The following SPAG16 variants were observed in gnomAD, a reference collection of about 807,000 sequenced individuals.
The protein encoded by SPAG16 is sperm-associated antigen 16 protein.
A neutral mutation model predicts 80.4 loss-of-function variants in SPAG16; 86 were observed. The ratio of observed to expected loss-of-function variants is 1.07; its 90% CI spans 0.90 to 1.28. SPAG16 has a LOEUF of 1.28. Among genes scored for constraint, SPAG16 ranks in the 50% most tolerant of loss-of-function variants. The pLI, the probability that SPAG16 is intolerant of heterozygous loss-of-function variation, is 0.00. For synonymous variants in SPAG16, 294 were observed against 265.9 expected (o/e 1.11, Z -1.03); for missense variants, 870 against 765.3 (o/e 1.14, Z -1.61).
chr2:213,488,296 C>T (rs1356419633), intron 9 of SPAG16, among the ~76,000 whole-genome samples: 1 of 152,122 alleles, frequency 6.6e-6, no homozygotes, highest in Non-Finnish European at 1.5e-5. Flanking sequence ...GTAAATTGCA[C>T]ACAGTACTAC....
At chr2:213,714,588 C>T (rs1270171246) in intron 10 of SPAG16, among the ~76,000 whole-genome samples, 4 of 152,032 alleles carry the variant, frequency 2.6e-5, no homozygotes, top group Non-Finnish European at 5.9e-5. Context: ...TTAAAGTCAG[C>T]CAAATTTTTC....
intron 10 of SPAG16, among the ~76,000 whole-genome samples, chr2:213,766,842 C>G (rs1454801709): frequency 2.0e-5 from 3 of 152,194 alleles, no homozygotes; most frequent in African/African-American, 7.2e-5. Context: ...CTAGAGAGGA[C>G]TGAATTCTGG....
At chr2:213,329,619 T>C (rs7597729) in intron 5 of SPAG16, among the ~76,000 whole-genome samples, 1 of 152,194 alleles carries the variant, frequency 6.6e-6, no homozygotes, top group African/African-American at 2.4e-5. Flanking sequence ...CATAAAAGTT[T>C]GGAAAATTTG....
chr2:214,149,003 C>G (rs565472987), intron 14 of SPAG16, 137 bp from the exon 15 acceptor site: 10 of 245,478 alleles, frequency 4.1e-5, no homozygotes, highest in African/African-American at 2.1e-4. Context: ...TAACACTTAC[C>G]TTTTGTCTAT....
rs867433325 is a variant in SPAG16 at position 214,031,573 on chromosome 2, T to C, written c.1527+17496T>C. Among the ~76,000 whole-genome samples the C allele has an allele frequency of 9.1e-3, 1,244 of 136,696 alleles. 15 individuals are homozygous for C. Among genetic ancestry groups the C allele is most frequent in the African/African-American group, 0.033 (1,177 of 35,484 alleles). The allele number at this position is 136,696 out of a possible 152,430, so 89.7% of individuals were successfully genotyped here. A position where few individuals can be genotyped will look rare whatever the true frequency, so the allele number is the denominator to read the frequency against. On this transcript the variant is annotated intron_variant, in intron 13 of 15. Transcript: ENST00000331683. ...AACTAACCTGCACATTGTGCACATG[T>C]ACCCTAAAACTTAAAGTATAATAAT... is the stretch of plus-strand genomic sequence containing the variant.
chr2:213,318,288 G>T (rs2063483397), intron 5 of SPAG16, among the ~76,000 whole-genome samples: 1 of 151,890 alleles, frequency 6.6e-6, no homozygotes, highest in Non-Finnish European at 1.5e-5. Flanking sequence ...TAAAAAATGT[G>T]ACATTTATAT....
chr2:213,438,999 A>T (rs556830884), intron 9 of SPAG16, among the ~76,000 whole-genome samples: 2 of 152,218 alleles, frequency 1.3e-5, no homozygotes, highest in Non-Finnish European at 2.9e-5. Flanking sequence ...CTGGAACCTC[A>T]GTCATCACAG....
chr2:213,543,932 T>C (rs186391131), intron 10 of SPAG16, among the ~76,000 whole-genome samples: 1 of 152,230 alleles, frequency 6.6e-6, no homozygotes, highest in Non-Finnish European at 1.5e-5. Context: ...TTGATGCATA[T>C]GGTAAAATTT....
chr2:214,262,303 G>T (rs773664182), intron 15 of SPAG16, among the ~76,000 whole-genome samples: 32 of 151,984 alleles, frequency 2.1e-4, no homozygotes, highest in African/African-American at 6.5e-4. Context: ...TTTTTTGAAC[G>T]AGTTTTTATG....
chr2:214,296,479 A>G (rs1912193), intron 15 of SPAG16, among the ~76,000 whole-genome samples: 15 of 152,148 alleles, frequency 9.9e-5, no homozygotes, highest in African/African-American at 3.4e-4. Flanking sequence ...ACTGTTTTCC[A>G]TAGAGGTTTT....
At chr2:214,220,487 A>G (rs1279190193) in intron 15 of SPAG16, among the ~76,000 whole-genome samples, 1 of 152,076 alleles carries the variant, frequency 6.6e-6, no homozygotes, top group African/African-American at 2.4e-5. Context: ...GGTAACCTTA[A>G]AGTTAAGTCA....
At chr2:213,934,664 A>G (rs1188026291) in intron 12 of SPAG16, among the ~76,000 whole-genome samples, 1 of 152,190 alleles carries the variant, frequency 6.6e-6, no homozygotes, top group South Asian at 2.1e-4. Flanking sequence ...ATTAGCCTCA[A>G]TTAGTTAAGT....
At chr2:213,498,714 C>T (rs143049997) in intron 10 of SPAG16, among the ~76,000 whole-genome samples, 2 of 152,212 alleles carry the variant, frequency 1.3e-5, no homozygotes, top group East Asian at 3.9e-4. Flanking sequence ...TCTTCATGCT[C>T]ACCAACTTTC....
chr2:213,912,638 G>T (rs1282681821), intron 11 of SPAG16, among the ~76,000 whole-genome samples: 1 of 152,028 alleles, frequency 6.6e-6, no homozygotes, highest in African/African-American at 2.4e-5. Flanking sequence ...TGTGCATTCG[G>T]TGTAGAGCTT....
intron 14 of SPAG16, among the ~76,000 whole-genome samples, chr2:214,122,094 C>G (rs576374410): frequency 6.7e-4 from 101 of 151,618 alleles, no homozygotes; most frequent in Middle Eastern, 3.5e-3. Context: ...AATATAAATT[C>G]CTTATAGTCT....
At chr2:214,333,036 C>T (rs184790617) in intron 15 of SPAG16, among the ~76,000 whole-genome samples, 40 of 152,210 alleles carry the variant, frequency 2.6e-4, no homozygotes, top group African/African-American at 8.9e-4. Flanking sequence ...TTTCTTTTTT[C>T]CCATTATCGG....
intron 12 of SPAG16, among the ~76,000 whole-genome samples, chr2:213,961,650 GTAT>G (rs2044433287): frequency 1.3e-5 from 2 of 150,052 alleles, no homozygotes; most frequent in Non-Finnish European, 3.0e-5. Context: ...TTATTGTGTG[GTAT>G]TATTCTTCAT....
intron 10 of SPAG16, among the ~76,000 whole-genome samples, chr2:213,522,354 A>G (rs1007333272): frequency 2.0e-5 from 3 of 152,306 alleles, no homozygotes; most frequent in African/African-American, 7.2e-5. Flanking sequence ...GTAGACAGGA[A>G]CCTAACAAAA....
At chr2:214,298,572 A>G (rs1173205536) in intron 15 of SPAG16, among the ~76,000 whole-genome samples, 1 of 152,202 alleles carries the variant, frequency 6.6e-6, no homozygotes, top group Non-Finnish European at 1.5e-5. Context: ...TAGTACAGAA[A>G]AGGAACAGAG....
Sources: allele counts gnomAD v4.1 joint callset (sites outside exome capture counted in the v4.1 genomes callset), GRCh38; gene constraint gnomAD v4.1.1; transcripts MANE v1.5; gene names NCBI Gene and HGNC (gene_info 2026-07-23, HGNC 2026-07-21).